Variants in DMTF1 observed in about 807,000 individuals in gnomAD.
DMTF1 encodes cyclin-D-binding Myb-like transcription factor 1.
In DMTF1, 39 loss-of-function variants were observed where a neutral mutation model predicts 91.1. The observed-to-expected ratio is 0.43, with a 90% CI of 0.33 to 0.56. The LOEUF (loss-of-function observed/expected upper bound fraction) is 0.56, where lower values mean the gene tolerates loss of function less well. Ranked by LOEUF, DMTF1 falls within the 20% of genes least tolerant of loss-of-function variation. The pLI, the probability that DMTF1 is intolerant of heterozygous loss-of-function variation, is 0.05. For synonymous variants in DMTF1, 338 were observed against 309.5 expected (o/e 1.09, Z -0.97); for missense variants, 750 against 914.5 (o/e 0.82, Z 2.32).
At chr7:87,182,059 A>G (rs1176422459) in intron 9 of DMTF1, 169 bp from the exon 10 acceptor site, 1 of 1,535,702 alleles carries the variant, frequency 6.5e-7, no homozygotes, top group Non-Finnish European at 8.7e-7. Context: ...CCCACAGACA[A>G]CTGTGGACCC....
At chr7:87,152,634 G>A (rs1419393872) in intron 1 of DMTF1, 79 bp downstream of exon 1, 1 of 152,838 alleles carries the variant, frequency 6.5e-6, no homozygotes, top group Non-Finnish European at 1.5e-5. Context: ...CCCCCTTGCT[G>A]CCCGCTAGCT....
intron 1 of DMTF1, among the ~76,000 whole-genome samples, chr7:87,157,844 GTGTT>G (rs1319120999): frequency 1.3e-5 from 2 of 149,282 alleles, no homozygotes; most frequent in Non-Finnish European, 3.0e-5. Context: ...TTAAGGTTAT[GTGTT>G]TTTTTTTTTA....
chr7:87,153,092 C>A (rs1230581544), intron 1 of DMTF1: 1 of 152,330 alleles, frequency 6.6e-6, no homozygotes, highest in East Asian at 1.9e-4. Flanking sequence ...CCAACTTCCC[C>A]CCCTTTGCTT....
intron 1 of DMTF1, 141 bp from the exon 2 acceptor site, chr7:87,163,354 T>A (rs1001408484): frequency 1.3e-5 from 2 of 152,222 alleles, no homozygotes; most frequent in African/African-American, 4.8e-5. Flanking sequence ...AAAATTCTGC[T>A]TAAAAAAGAA....
Position 87,193,263 on chromosome 7 carries a change from C to A in DMTF1, c.1560C>A (p.Gly520=), listed in dbSNP as rs1373017580. The A allele has an allele frequency of 1.2e-6, 2 of 1,613,516 alleles. No homozygotes were observed. The highest frequency in any genetic ancestry group is 4.5e-5 in the East Asian group (2 of 44,866). ...TACTTCAAACAAGCTCAAGCCAAGG[C>A]CTTCCCCTAACTCTGACTGCTAGTC... The part of the protein sequence containing the change: ...TYLLQTSSSQ[G]LPLTLTASPT... Residue 520 remains glycine (G), a synonymous_variant, in exon 15 of 18, where the codon GGC becomes GGA. Coordinates refer to ENST00000331242, the MANE Select transcript of DMTF1 (RefSeq NM_001142327.2).
At chr7:87,160,186 C>T (rs1374177017) in intron 1 of DMTF1, among the ~76,000 whole-genome samples, 1 of 151,852 alleles carries the variant, frequency 6.6e-6, no homozygotes, top group Non-Finnish European at 1.5e-5. Context: ...CAGATGTATT[C>T]TGTGTAACAA....
chr7:87,193,699 T>C, intron 15 of DMTF1, 26 bp from the exon 16 acceptor site: 1 of 1,558,702 alleles, frequency 6.4e-7, no homozygotes, highest in Non-Finnish European at 8.7e-7. Flanking sequence ...ATTTACAACT[T>C]TAACAGGTTC....
intron 5 of DMTF1, among the ~76,000 whole-genome samples, chr7:87,172,918 C>T (rs1013028798): frequency 1.3e-5 from 2 of 152,184 alleles, no homozygotes; most frequent in Non-Finnish European, 2.9e-5. Flanking sequence ...CCATATAGTT[C>T]TTTGAGAGAA....
chr7:87,174,172 A>G (rs1030635319), intron 6 of DMTF1, among the ~76,000 whole-genome samples: 1 of 152,226 alleles, frequency 6.6e-6, no homozygotes, highest in East Asian at 1.9e-4. Context: ...TTAAGAATAC[A>G]TTATTCACTT....
intron 1 of DMTF1, among the ~76,000 whole-genome samples, chr7:87,160,367 T>C (rs4639442): frequency 0.84 from 127,751 of 151,344 alleles, 54,148 homozygotes; most frequent in Middle Eastern, 0.96. Context: ...TTCCGCCTCC[T>C]GGGTTCAAGT....
intron 1 of DMTF1, among the ~76,000 whole-genome samples, chr7:87,153,140 T>C (rs930039778): frequency 9.2e-5 from 14 of 152,084 alleles, no homozygotes; most frequent in Admixed American, 9.2e-4. Context: ...TAGATTCTTC[T>C]GTAATTTTGC....
intron 5 of DMTF1, among the ~76,000 whole-genome samples, chr7:87,173,282 T>G (rs1368826127): frequency 2.0e-5 from 3 of 152,224 alleles, no homozygotes; most frequent in Non-Finnish European, 2.9e-5. Flanking sequence ...GTACATTTAC[T>G]TGCTTAAATG....
intron 10 of DMTF1, among the ~76,000 whole-genome samples, chr7:87,182,947 C>T (rs1797677113): frequency 6.6e-6 from 1 of 152,142 alleles, no homozygotes; most frequent in Admixed American, 6.6e-5. Context: ...CGTATTTAGG[C>T]TCTGCTATTA....
intron 1 of DMTF1, among the ~76,000 whole-genome samples, chr7:87,159,487 T>C (rs1791663322): frequency 6.6e-6 from 1 of 152,218 alleles, no homozygotes; most frequent in Non-Finnish European, 1.5e-5. Context: ...TTGGATTTGC[T>C]GCTACCCTCA....
At chr7:87,171,354 G>A (rs1449327180) in intron 5 of DMTF1, among the ~76,000 whole-genome samples, 1 of 152,074 alleles carries the variant, frequency 6.6e-6, no homozygotes, top group South Asian at 2.1e-4. Flanking sequence ...ATAATTTCTA[G>A]TATTTGTTTA....
At chr7:87,193,055 G>A (rs895142261) in intron 14 of DMTF1, 143 bp from the exon 15 acceptor site, 4 of 760,418 alleles carry the variant, frequency 5.3e-6, no homozygotes, top group South Asian at 3.6e-5. Flanking sequence ...AATGACTTGA[G>A]ACGATTATGC....
At position 87,195,048 on chromosome 7, in the gene DMTF1, C is replaced by G. The variant is rs772975514; in HGVS notation, c.2191C>G (p.His731Asp). 1.9e-6 allele frequency: 3 copies of G among 1,611,594 alleles called. No individual in the cohort carries two copies. The South Asian group carries it at 3.3e-5, about 18-fold the overall frequency. The change falls in exon 18 of 18, where the codon CAT becomes GAT. Residue 731 changes from histidine to aspartate, a missense_variant. By Grantham distance (81) the His-to-Asp change is moderately conservative. This residue lies in a region of DMTF1 where 410 missense variants were observed against 420.2 expected (regional missense o/e 0.98). Transcript: ENST00000331242. ...CATTACAGATCCCATACTCCAACAT[C>G]ATCAGGAAGAATCAAATATCATTGG... ...TTLTDPILQH[H>D]QEESNIIGSS...
At chr7:87,185,096 C>T (rs1798128741) in intron 11 of DMTF1, 1 of 252,276 alleles carries the variant, frequency 4.0e-6, no homozygotes, top group South Asian at 4.7e-5. Flanking sequence ...TCAAACACAT[C>T]CATTTCATAC....
chr7:87,180,657 A>C (rs2129142570), intron 8 of DMTF1, among the ~76,000 whole-genome samples: 1 of 152,006 alleles, frequency 6.6e-6, no homozygotes, highest in South Asian at 2.1e-4. Context: ...GTCACCCATA[A>C]GTTTTTTTGG....
Sources: allele counts gnomAD v4.1 joint callset (sites outside exome capture counted in the v4.1 genomes callset), GRCh38; gene constraint gnomAD v4.1.1; regional missense constraint gnomAD v4.1.1; transcripts MANE v1.5; gene names NCBI Gene and HGNC (gene_info 2026-07-23, HGNC 2026-07-21).